The following SDK1 variants were observed in gnomAD, a reference collection of about 807,000 sequenced individuals.
SDK1 encodes protein sidekick-1.
Under a neutral mutation model 245.5 loss-of-function variants are expected in SDK1, and 157 were observed. The observed-to-expected ratio is 0.64, with a 90% CI of 0.56 to 0.73. The LOEUF (loss-of-function observed/expected upper bound fraction) is 0.73. Among genes scored for constraint, SDK1 ranks in the 30% least tolerant of loss-of-function variants. The probability of loss-of-function intolerance (pLI) is 0.00; values close to 1 mark genes in which losing one functional copy is unlikely to be tolerated. For synonymous variants in SDK1, 1,647 were observed against 1,278.5 expected (o/e 1.29, Z -6.15); for missense variants, 3,583 against 3,002.3 (o/e 1.19, Z -4.52).
chr7:3,645,502 T>A (rs1307814893), intron 4 of SDK1, among the ~76,000 whole-genome samples: 1 of 152,214 alleles, frequency 6.6e-6, no homozygotes, highest in Non-Finnish European at 1.5e-5. Context: ...GACATATAGC[T>A]TTCACATCCC....
At chr7:3,637,592 A>G (rs933642882) in intron 2 of SDK1, among the ~76,000 whole-genome samples, 2 of 152,328 alleles carry the variant, frequency 1.3e-5, no homozygotes, top group African/African-American at 4.8e-5. Context: ...ATTTTAAAAC[A>G]TCCTAATTTA....
intron 1 of SDK1, among the ~76,000 whole-genome samples, chr7:3,332,669 G>T (rs1438250883): frequency 1.3e-5 from 2 of 152,100 alleles, no homozygotes; most frequent in Non-Finnish European, 2.9e-5. Flanking sequence ...GTTAGTAGAG[G>T]CTAGAAGAAC....
intron 4 of SDK1, among the ~76,000 whole-genome samples, chr7:3,770,437 A>G (rs1780376716): frequency 6.6e-6 from 1 of 152,186 alleles, no homozygotes; most frequent in African/African-American, 2.4e-5. Flanking sequence ...ACATAAACAT[A>G]AGTTTTCATT....
At chr7:3,335,624 A>ATT (rs771831502) in intron 1 of SDK1, among the ~76,000 whole-genome samples, 9 of 152,190 alleles carry the variant, frequency 5.9e-5, no homozygotes, top group Non-Finnish European at 1.2e-4. Context: ...TGGAGAAAGT[A>ATT]GTCTGTAAGA....
chr7:3,650,075 G>T (rs1292339298), intron 4 of SDK1, among the ~76,000 whole-genome samples: 1 of 151,754 alleles, frequency 6.6e-6, no homozygotes, highest in African/African-American at 2.4e-5. Context: ...ATAGAGATAG[G>T]GTCTCACTTT....
intron 1 of SDK1, among the ~76,000 whole-genome samples, chr7:3,454,306 T>G (rs1780607329): frequency 6.6e-6 from 1 of 152,184 alleles, no homozygotes; most frequent in Non-Finnish European, 1.5e-5. Context: ...TATCATTCAT[T>G]TTAATGTTAC....
chr7:4,254,301 C>CTG (rs1236344373), intron 44 of SDK1, among the ~76,000 whole-genome samples: 1 of 152,096 alleles, frequency 6.6e-6, no homozygotes, highest in African/African-American at 2.4e-5. Context: ...ATCAAAGGCT[C>CTG]TGTCCATTTT....
intron 1 of SDK1, among the ~76,000 whole-genome samples, chr7:3,398,685 G>GT (rs1778798343): frequency 6.7e-6 from 1 of 149,970 alleles, no homozygotes; most frequent in Non-Finnish European, 1.5e-5. Context: ...TTAACCTCCA[G>GT]TCTTCACCAG....
chr7:4,114,078 G>A lies in SDK1; in HGVS notation c.3627G>A (p.Val1209=), dbSNP rs1253143533. The change falls in exon 25 of 45, where the codon GTG becomes GTA. Residue 1209 remains valine, a synonymous_variant. Transcript: ENST00000404826. ...AGTACAACGGGAACCCCGAGTCCGT[G>A]GGCTACAGGATTAAGTACTGGCGCT... ...DSQYNGNPES[V]GYRIKYWRSD... The A allele has an allele frequency of 6.2e-7, 1 of 1,614,210 alleles. No individual in the cohort carries two copies.
chr7:3,692,207 A>G (rs915142321), intron 4 of SDK1, among the ~76,000 whole-genome samples: 1 of 152,160 alleles, frequency 6.6e-6, no homozygotes, highest in Non-Finnish European at 1.5e-5. Flanking sequence ...TTCTTAAAAA[A>G]TTCTTTCTGA....
chr7:3,993,805 T>G (rs1255977115), intron 14 of SDK1, among the ~76,000 whole-genome samples: 4 of 152,156 alleles, frequency 2.6e-5, no homozygotes, highest in African/African-American at 9.7e-5. Flanking sequence ...GCTAATTACC[T>G]GCACCTCCTC....
intron 1 of SDK1, among the ~76,000 whole-genome samples, chr7:3,461,768 C>G (rs545100179): frequency 6.6e-6 from 1 of 152,196 alleles, no homozygotes; most frequent in Admixed American, 6.5e-5. Flanking sequence ...ACAGAAATGA[C>G]TGACCTGCAT....
chr7:4,004,300 AT>A lies in SDK1; in HGVS notation c.2132-6663del, dbSNP rs540070673. On this transcript the variant is annotated intron_variant, in intron 14 of 44. Transcript: ENST00000404826. Reference sequence around the variant, plus strand: ...ATGATTATTGTGAGCTAATACTTATATTTCAGGAGATTCAACATGCAGACTG... The same window carrying A: ...ATGATTATTGTGAGCTAATACTTATATTCAGGAGATTCAACATGCAGACTG... 1.2e-3 allele frequency among the ~76,000 whole-genome samples: 187 copies of A among 152,344 alleles called. 1 individual carries two copies. Among genetic ancestry groups the A allele is most frequent in the African/African-American group, 4.2e-3 (176 of 41,582 alleles).
intron 44 of SDK1, among the ~76,000 whole-genome samples, chr7:4,252,299 C>T (rs1277330114): frequency 6.9e-6 from 1 of 145,806 alleles, no homozygotes; most frequent in African/African-American, 2.5e-5. Flanking sequence ...TGAGTGAGAA[C>T]ATGCGGTGTT....
At chr7:3,361,524 T>G (rs530619787) in intron 1 of SDK1, among the ~76,000 whole-genome samples, 20 of 152,348 alleles carry the variant, frequency 1.3e-4, no homozygotes, top group African/African-American at 4.6e-4. Flanking sequence ...TCTTCTCTAT[T>G]TGTTCTCCGC....
intron 4 of SDK1, among the ~76,000 whole-genome samples, chr7:3,808,747 G>A (rs17133874): frequency 0.051 from 7,777 of 152,136 alleles, 330 homozygotes; most frequent in South Asian, 0.16. Flanking sequence ...AGTGTCCATC[G>A]TCACAGAGAG....
chr7:4,206,049 A>T, intron 36 of SDK1, 55 bp downstream of exon 36: 1 of 1,191,290 alleles, frequency 8.4e-7, no homozygotes, highest in Non-Finnish European at 1.2e-6. Flanking sequence ...CCCCTCGTTC[A>T]CGTGGTCCTG....
chr7:3,655,877 T>A (rs1783167258), intron 4 of SDK1, among the ~76,000 whole-genome samples: 2 of 152,022 alleles, frequency 1.3e-5, no homozygotes, highest in African/African-American at 4.8e-5. Context: ...TCAAGGAAGT[T>A]GAGATAAGGG....
chr7:3,960,950 A>G (rs1349980409), intron 8 of SDK1, among the ~76,000 whole-genome samples: 1 of 152,230 alleles, frequency 6.6e-6, no homozygotes, highest in African/African-American at 2.4e-5. Flanking sequence ...TTCTGTTATG[A>G]CATTAAATTG....
Sources: gnomAD v4.1 joint callset for allele counts (sites outside exome capture counted in the v4.1 genomes callset) on GRCh38, gnomAD v4.1.1 for gene constraint, MANE v1.5 for transcripts, NCBI Gene and HGNC (gene_info 2026-07-23, HGNC 2026-07-21) for gene names.